Variants in ALDH1A3 observed in about 807,000 individuals in gnomAD.
ALDH1A3 encodes retinaldehyde dehydrogenase 3.
Under a neutral mutation model 57.5 loss-of-function variants are expected in ALDH1A3, and 28 were observed. The ratio of observed to expected loss-of-function variants is 0.49; its 90% CI spans 0.36 to 0.67. The LOEUF (loss-of-function observed/expected upper bound fraction) is 0.67, where lower values mean the gene tolerates loss of function less well. ALDH1A3 is among the 30% of genes least tolerant of loss of function. The probability of loss-of-function intolerance (pLI) is 0.00; values close to 1 mark genes in which losing one functional copy is unlikely to be tolerated. For synonymous variants in ALDH1A3, 281 were observed against 264.8 expected (o/e 1.06, Z -0.59); for missense variants, 507 against 669.4 (o/e 0.76, Z 2.68).
In ALDH1A3 at chr15:100,886,669, T is replaced by C. The variant is rs141709990; in HGVS notation, c.205-903T>C. Among the ~76,000 whole-genome samples, 640 of 152,242 alleles carry C rather than the reference T, an allele frequency of 4.2e-3. 6 individuals are homozygous for C. Among genetic ancestry groups the C allele is most frequent in the African/African-American group, 0.014 (564 of 41,534 alleles). On this transcript the variant is annotated intron_variant, in intron 2 of 12. Coordinates refer to ENST00000329841, the MANE Select transcript of ALDH1A3 (RefSeq NM_000693.4). ...GGGCCTTCGAGATGAATGTGGCCCA[T>C]TTTCCTGAGAAAAAGAGACAGTGAC...
chr15:100,884,039 C>G lies in ALDH1A3; in HGVS notation c.100-1228C>G, dbSNP rs138039270. On this transcript the variant is annotated intron_variant, in intron 1 of 12. Transcript: ENST00000329841. ...GAACCTGATGAACTAATTCTGTACTCAGAAATTACTGACGGCATTTTACTT... is the reference window on the plus strand; with the variant it reads ...GAACCTGATGAACTAATTCTGTACTGAGAAATTACTGACGGCATTTTACTT... Among the ~76,000 whole-genome samples, 271 of 152,348 alleles carry G rather than the reference C, an allele frequency of 1.8e-3. 2 individuals carry two copies. Among genetic ancestry groups the G allele is most frequent in the African/African-American group, 6.2e-3 (259 of 41,576 alleles).
At chr15:100,883,712 G>A (rs902050761) in intron 1 of ALDH1A3, among the ~76,000 whole-genome samples, 1 of 151,778 alleles carries the variant, frequency 6.6e-6, no homozygotes, top group South Asian at 2.1e-4. Context: ...GGATGTGCAG[G>A]TTTGTTACAT....
chr15:100,907,661 T>A (rs894417660), intron 11 of ALDH1A3, among the ~76,000 whole-genome samples: 1 of 152,114 alleles, frequency 6.6e-6, no homozygotes, highest in Non-Finnish European at 1.5e-5. Flanking sequence ...TCATCAGTAA[T>A]TCTGCAGATT....
In ALDH1A3 at chr15:100,903,112, C is replaced by T. The variant is rs188939360; in HGVS notation, c.1068+2353C>T. Reference sequence around the variant, plus strand: ...CACATACACGGGTCAAACCCCAAAACGCCTAAAAACGTCTATAGTGAAAGG... The same window carrying T: ...CACATACACGGGTCAAACCCCAAAATGCCTAAAAACGTCTATAGTGAAAGG... On this transcript the variant is annotated intron_variant, in intron 9 of 12. Transcript: ENST00000329841. Among the ~76,000 whole-genome samples the T allele has an allele frequency of 4.4e-3, 671 of 152,294 alleles. 2 individuals are homozygous for T. Among genetic ancestry groups the T allele is most frequent in the Non-Finnish European group, 7.7e-3 (523 of 68,016 alleles).
At chr15:100,900,835 C>T in intron 9 of ALDH1A3, 76 bp downstream of exon 9, 19 of 1,505,792 alleles carry the variant, frequency 1.3e-5, no homozygotes, top group Non-Finnish European at 1.7e-5. Flanking sequence ...CAACCGCCTA[C>T]AGGGTCCCTC....
At position 100,894,196 on chromosome 15, in the gene ALDH1A3, GGGAA is replaced by G; in HGVS notation, c.666+115_666+118del. On this transcript the variant is annotated intron_variant, in intron 6 of 12. Coordinates refer to ENST00000329841, the MANE Select transcript of ALDH1A3 (RefSeq NM_000693.4). This position sits in a 1 kb window ranked among gnomAD's most constrained non-coding sequence, Gnocchi z 4.5. ...CAGACTGCTGGCAATCGAGTGGGAA[GGGAA>G]TGACTTCCAGTGTTTTGTTTGGCGA... is the stretch of plus-strand genomic sequence containing the variant. 1 of 1,347,070 alleles carries G rather than the reference GGGAA, an allele frequency of 7.4e-7. No homozygotes were observed. The highest frequency in any genetic ancestry group is 1.0e-6 in the Non-Finnish European group (1 of 979,800). The allele number at this position is 1,347,070 out of a possible 1,614,324, so 83.4% of individuals were successfully genotyped here.
chr15:100,887,260 G>T lies in ALDH1A3; in HGVS notation c.205-312G>T, dbSNP rs527312198. On this transcript the variant is annotated intron_variant, in intron 2 of 12. Coordinates refer to ENST00000329841, the MANE Select transcript of ALDH1A3 (RefSeq NM_000693.4). The surrounding 1 kb of genome is among the most constrained non-coding windows in gnomAD (Gnocchi z 4.6). The stretch of plus-strand genomic sequence containing the variant: ...GGCCGTGGTCCCAAACTGCAGTCAC[G>T]TCAAAAGATGACACCCAAACTGCAG... 6.6e-6 allele frequency among the ~76,000 whole-genome samples: 1 copy of T among 151,806 alleles called. No homozygotes were observed. The highest frequency in any genetic ancestry group is 6.6e-5 in the Admixed American group (1 of 15,250).
In ALDH1A3 at chr15:100,908,592, G is replaced by T. The variant is rs545948578; in HGVS notation, c.1466+110G>T. ...GCTGACACCCCGTCCCCCCCACACCGCCGCTCTGTCTGGGCCAGCTGTGTC... is the reference window on the plus strand; with the variant it reads ...GCTGACACCCCGTCCCCCCCACACCTCCGCTCTGTCTGGGCCAGCTGTGTC... On this transcript the variant is annotated intron_variant, in intron 12 of 12. Coordinates refer to ENST00000329841, the MANE Select transcript of ALDH1A3 (RefSeq NM_000693.4). 17 of 985,498 alleles carry T rather than the reference G, an allele frequency of 1.7e-5. No individual in the cohort carries two copies. The South Asian group carries it at 2.5e-4, about 14-fold the overall frequency. 61.0% of individuals were successfully genotyped at this position (985,498 alleles called of 1,614,324 possible). A position where few individuals can be genotyped will look rare whatever the true frequency, so the allele number is the denominator to read the frequency against.
At chr15:100,907,844 C>CTTTTTTTTTTTTTTTTTTTTTTTTT (rs71151987) in intron 11 of ALDH1A3, among the ~76,000 whole-genome samples, 1 of 81,910 alleles carries the variant, frequency 1.2e-5, no homozygotes, top group African/African-American at 4.8e-5. Context: ...TTCTTTCTTT[C>CTTTTTTTTTTTTTTTTTTTTTTTTT]TTTTTTTTTT....
chr15:100,908,330 G>T (rs2041846529), intron 11 of ALDH1A3, 78 bp from the exon 12 acceptor site: 2 of 1,224,130 alleles, frequency 1.6e-6, no homozygotes, highest in Non-Finnish European at 2.4e-6. Context: ...GCCCTGCACT[G>T]GGGGCTAAGT....
intron 1 of ALDH1A3, chr15:100,880,392 G>C (rs188700357): frequency 2.7e-6 from 1 of 371,728 alleles, no homozygotes; most frequent in African/African-American, 2.1e-5. Context: ...AAACCCCTGC[G>C]ATGATTTCCA....
intron 9 of ALDH1A3, 142 bp downstream of exon 9, chr15:100,900,901 C>A: frequency 1.1e-6 from 1 of 943,558 alleles, no homozygotes; most frequent in Non-Finnish European, 1.5e-6. Context: ...TCTTTAGAAA[C>A]TGATCAGAAA....
At chr15:100,892,088 AC>A in intron 3 of ALDH1A3, 1 of 174,498 alleles carries the variant, frequency 5.7e-6, no homozygotes. Flanking sequence ...CACTGCAGCC[AC>A]CCCAGAGCCA....
chr15:100,903,885 C>T (rs944819169), intron 9 of ALDH1A3, among the ~76,000 whole-genome samples: 6 of 152,190 alleles, frequency 3.9e-5, no homozygotes, highest in African/African-American at 1.4e-4. Flanking sequence ...TCTTTACATA[C>T]ATAGTAGAGA....
chr15:100,880,323 G>A (rs946750072), intron 1 of ALDH1A3: 14 of 372,276 alleles, frequency 3.8e-5, no homozygotes, highest in African/African-American at 2.9e-4. Flanking sequence ...TTGATCGCGA[G>A]TGGAGGTGCG....
chr15:100,883,444 G>A (rs554908858), intron 1 of ALDH1A3, among the ~76,000 whole-genome samples: 1 of 152,264 alleles, frequency 6.6e-6, no homozygotes, highest in East Asian at 1.9e-4. Context: ...GCTTCCCTGG[G>A]GGCCTGGCCT....
In ALDH1A3 at chr15:100,915,865, A is replaced by G. The variant is rs1438025786; in HGVS notation, c.*1092A>G. 1 of 152,218 alleles carries G rather than the reference A, an allele frequency of 6.6e-6. No homozygotes were observed. Among genetic ancestry groups the G allele is most frequent in the Non-Finnish European group, 1.5e-5 (1 of 68,038 alleles). The allele number at this position is 152,218 out of a possible 1,614,324, so 9.4% of individuals were successfully genotyped here. On this transcript the variant is annotated 3_prime_UTR_variant, in exon 13 of 13. Coordinates refer to ENST00000329841, the MANE Select transcript of ALDH1A3 (RefSeq NM_000693.4). ...TATGGAGGACCTCGGTCTTCATCCA[A>G]GTGGCCTGAGTATTTCACTGGCAGG...
intron 9 of ALDH1A3, among the ~76,000 whole-genome samples, chr15:100,901,317 G>A (rs1271531273): frequency 6.6e-6 from 1 of 152,222 alleles, no homozygotes; most frequent in East Asian, 1.9e-4. Context: ...GGCACATCCT[G>A]TATCACTTTC....
intron 12 of ALDH1A3, among the ~76,000 whole-genome samples, chr15:100,909,825 G>A (rs1161385011): frequency 6.6e-6 from 1 of 152,232 alleles, no homozygotes. Context: ...CAAACATTTT[G>A]TAGGATCAGT....
Sources: allele counts gnomAD v4.1 joint callset (sites outside exome capture counted in the v4.1 genomes callset), GRCh38; gene constraint gnomAD v4.1.1; non-coding constraint Gnocchi (gnomAD v3.1); transcripts MANE v1.5; gene names NCBI Gene and HGNC (gene_info 2026-07-23, HGNC 2026-07-21).